WNK4: variants seen among roughly 807,000 people sequenced by gnomAD.
WNK4 encodes the protein serine/threonine-protein kinase WNK4.
In WNK4, 94 loss-of-function variants were observed where a neutral mutation model predicts 116.2. That is an observed-to-expected ratio of 0.81 (90% confidence interval 0.68 to 0.96). WNK4 has a LOEUF of 0.96. Ranked by LOEUF, WNK4 falls within the 40% of genes least tolerant of loss-of-function variation. The pLI is 0.00. For missense variants in WNK4, 1,542 were observed against 1,650.6 expected, an observed-to-expected ratio of 0.93 and a Z score of 1.14; for synonymous variants, 655 against 672.7, an observed-to-expected ratio of 0.97 and a Z score of 0.41.
chr17:42,790,566 C>A (rs965539416), intron 11 of WNK4, among the ~76,000 whole-genome samples: 2 of 152,036 alleles, frequency 1.3e-5, no homozygotes, highest in African/African-American at 4.8e-5. Flanking sequence ...GCCAGAGACA[C>A]AGAGGGTTGC....
At chr17:42,794,552 G>C in intron 12 of WNK4, 62 bp from the exon 13 acceptor site, 1 of 1,597,846 alleles carries the variant, frequency 6.3e-7, no homozygotes, top group South Asian at 1.1e-5. Context: ...ACCCCGGTCT[G>C]ACACCTTCCA....
chr17:42,785,660 C>T (rs1057007845), intron 6 of WNK4, among the ~76,000 whole-genome samples, 178 bp downstream of exon 6: 2 of 152,224 alleles, frequency 1.3e-5, no homozygotes, highest in African/African-American at 4.8e-5. Flanking sequence ...CCCGCACGCA[C>T]ACCCAGTTTT....
In WNK4 at chr17:42,787,812, CGGCTTCCT is replaced by C. The variant is rs747291834; in HGVS notation, c.1779_1786del (p.Phe594CysfsTer18). ...AGACTGATGGCTACCTCAGCTCCTC[CGGCTTCCT>C]GGATGCCTCAGACCCTGCCCTTCAG... On this transcript the variant is annotated frameshift_variant, in exon 8 of 19. Coordinates refer to ENST00000246914, the MANE Select transcript of WNK4 (RefSeq NM_032387.5). LOFTEE classifies it high-confidence loss of function. The C allele has an allele frequency of 6.2e-7, 1 of 1,612,500 alleles. No individual in the cohort carries two copies. The highest frequency in any genetic ancestry group is 2.2e-5 in the East Asian group (1 of 44,870).
Position 42,784,169 on chromosome 17 carries a change from C to T in WNK4, c.1012+12C>T, listed in dbSNP as rs557180003. On this transcript the variant is annotated intron_variant, in intron 3 of 18. Coordinates refer to ENST00000246914, the MANE Select transcript of WNK4 (RefSeq NM_032387.5). The surrounding 1 kb of genome is among the most constrained non-coding windows in gnomAD (Gnocchi z 4.4). The stretch of plus-strand genomic sequence containing the variant: ...CAAGAGTGTCATCGGTGCGTCTCTC[C>T]AGGAGGGTCCATGCCATTCCTTCCT... 11 of 1,603,948 alleles carry T rather than the reference C, an allele frequency of 6.9e-6. No homozygotes were observed. In the South Asian group the frequency reaches 9.9e-5, roughly 14 times the overall value.
At chr17:42,796,643 C>T (rs1419115681) in intron 18 of WNK4, 43 bp from the exon 19 acceptor site, 2 of 1,614,244 alleles carry the variant, frequency 1.2e-6, no homozygotes, top group Non-Finnish European at 1.7e-6. Flanking sequence ...TCGCCTTCCT[C>T]CCACCTTGGA....
At chr17:42,791,994 A>G (rs1035298549) in intron 11 of WNK4, among the ~76,000 whole-genome samples, 2 of 152,100 alleles carry the variant, frequency 1.3e-5, no homozygotes, top group African/African-American at 4.8e-5. Flanking sequence ...TCATGCTTCA[A>G]AGCTACTACA....
chr17:42,785,562 G>T (rs2054539524), intron 6 of WNK4, 80 bp downstream of exon 6: 2 of 1,510,160 alleles, frequency 1.3e-6, no homozygotes, highest in Non-Finnish European at 1.8e-6. Flanking sequence ...GGGATGGGGC[G>T]CAGGAGGGGT....
chr17:42,789,198 A>G (rs1187236886), intron 11 of WNK4, among the ~76,000 whole-genome samples: 1 of 152,180 alleles, frequency 6.6e-6, no homozygotes, highest in African/African-American at 2.4e-5. Context: ...GTGCAGGGAC[A>G]GCATAAGCAA....
intron 11 of WNK4, among the ~76,000 whole-genome samples, chr17:42,790,251 A>G (rs965754152): frequency 1.3e-5 from 2 of 152,192 alleles, no homozygotes; most frequent in Non-Finnish European, 2.9e-5. Context: ...AGTAGAGAAC[A>G]TAGTACATAG....
intron 2 of WNK4, chr17:42,783,687 G>T: frequency 3.5e-6 from 2 of 573,162 alleles, no homozygotes; most frequent in South Asian, 2.1e-5. Context: ...CCCTTCCTGC[G>T]CTCCCACAGC....
chr17:42,781,328 A>G lies in WNK4; in HGVS notation c.618+12A>G, dbSNP rs7224798. 6.2e-7 allele frequency: 1 copy of G among 1,613,170 alleles called. No individual in the cohort carries two copies. ...GGTGTGAGCTGCAGGTGCGGCTGGG[A>G]GCCCCCTCGGTGGCACCTTGGGATG... is the stretch of plus-strand genomic sequence containing the variant. On this transcript the variant is annotated intron_variant, in intron 1 of 18. Transcript: ENST00000246914.
chr17:42,789,709 TAGAG>T (rs1200945152), intron 11 of WNK4, among the ~76,000 whole-genome samples: 27 of 148,532 alleles, frequency 1.8e-4, no homozygotes, highest in Admixed American at 1.4e-3. Context: ...AATAAATAAA[TAGAG>T]AGGCAGAGCA....
In WNK4 at chr17:42,787,926, C is replaced by T. The variant is rs764983946; in HGVS notation, c.1863+27C>T. On this transcript the variant is annotated intron_variant, in intron 8 of 18. Transcript: ENST00000246914. Reference sequence around the variant, plus strand: ...TGAGAGGGGGTCGCATGGGGGGCTCCCAGCCATTCCAAGCCTATGACCTAT... The same window carrying T: ...TGAGAGGGGGTCGCATGGGGGGCTCTCAGCCATTCCAAGCCTATGACCTAT... 2.5e-6 allele frequency: 4 copies of T among 1,608,056 alleles called. No individual in the cohort carries two copies. The South Asian group carries it at 4.4e-5, about 18-fold the overall frequency.
intron 6 of WNK4, 117 bp downstream of exon 6, chr17:42,785,599 C>G (rs1255069374): frequency 7.9e-7 from 1 of 1,258,726 alleles, no homozygotes; most frequent in Non-Finnish European, 1.1e-6. Flanking sequence ...GGGCACCTCA[C>G]CCCTCTCAAA....
chr17:42,785,230 C>A, intron 5 of WNK4, 36 bp from the exon 6 acceptor site: 1 of 1,607,820 alleles, frequency 6.2e-7, no homozygotes, highest in Non-Finnish European at 8.5e-7. Context: ...GGCCGCGGGC[C>A]GCGGCGGGCT....
At position 42,782,659 on chromosome 17, in the gene WNK4, C is replaced by A; in HGVS notation, c.619-99C>A. 1.4e-6 allele frequency: 2 copies of A among 1,414,664 alleles called. No homozygotes were observed. The highest frequency in any genetic ancestry group is 2.0e-6 in the Non-Finnish European group (2 of 1,025,362). The allele number at this position is 1,414,664 out of a possible 1,614,324, so 87.6% of individuals were successfully genotyped here. A position where few individuals can be genotyped will look rare whatever the true frequency, so the allele number is the denominator to read the frequency against. On this transcript the variant is annotated intron_variant, in intron 1 of 18. Coordinates refer to ENST00000246914, the MANE Select transcript of WNK4 (RefSeq NM_032387.5). The surrounding 1 kb of genome is among the most constrained non-coding windows in gnomAD (Gnocchi z 4.2). ...CCATTAACCCCACCCCATCTGTGGGCTCCAACCCTCACCTCTTCCCCCAAC... is the reference window on the plus strand; with the variant it reads ...CCATTAACCCCACCCCATCTGTGGGATCCAACCCTCACCTCTTCCCCCAAC...
Position 42,784,101 on chromosome 17 carries a change from T to C in WNK4, c.956T>C (p.Ile319Thr). 6.2e-7 allele frequency: 1 copy of C among 1,611,734 alleles called. No individual in the cohort carries two copies. The highest frequency in any genetic ancestry group is 8.5e-7 in the Non-Finnish European group (1 of 1,180,008). The change falls in exon 3 of 19, where the codon ATC (isoleucine) becomes ACC (threonine). Residue 319 changes from isoleucine to threonine, a missense_variant. Physicochemically the swap from Ile to Thr is moderately conservative, Grantham distance 89. Coordinates refer to ENST00000246914, the MANE Select transcript of WNK4 (RefSeq NM_032387.5). The surrounding 1 kb of genome is among the most constrained non-coding windows in gnomAD (Gnocchi z 4.4). ...FITGPTGSVKIGDLGLATLKR... is the reference protein window; with the variant it reads ...FITGPTGSVKTGDLGLATLKR... ...ACGGGACCTACTGGCTCTGTCAAAA[T>C]CGGGGACCTGGGCCTGGCCACGCTC...
chr17:42,792,831 G>A (rs1416515823), intron 11 of WNK4, among the ~76,000 whole-genome samples: 2 of 152,206 alleles, frequency 1.3e-5, no homozygotes, highest in East Asian at 3.8e-4. Context: ...ATGGGTGTAT[G>A]TGGGCCTGTG....
Position 42,784,590 on chromosome 17 carries a change from TG to T in WNK4, c.1170+15del. The T allele has an allele frequency of 6.2e-7, 1 of 1,614,066 alleles. No homozygotes were observed. The highest frequency in any genetic ancestry group is 8.5e-7 in the Non-Finnish European group (1 of 1,180,018). ...CGCAAGGTCACTTCGGTGAGAGGGA[TG>T]GGGCTGGCGGGAAAGGCAATTCCAG... On this transcript the variant is annotated intron_variant, in intron 4 of 18. Transcript: ENST00000246914. The surrounding 1 kb of genome is among the most constrained non-coding windows in gnomAD (Gnocchi z 4.4).
Sources: allele counts gnomAD v4.1 joint callset (sites outside exome capture counted in the v4.1 genomes callset), GRCh38; gene constraint gnomAD v4.1.1; non-coding constraint Gnocchi (gnomAD v3.1); transcripts MANE v1.5; gene names NCBI Gene and HGNC (gene_info 2026-07-23, HGNC 2026-07-21).